DOCK2: variants seen among roughly 807,000 people sequenced by gnomAD.
DOCK2 encodes dedicator of cytokinesis 2, also known as dedicator of cytokinesis protein 2.
Under a neutral mutation model 248.9 loss-of-function variants are expected in DOCK2, and 87 were observed. The observed-to-expected ratio is 0.35, with a 90% confidence interval of 0.29 to 0.42. DOCK2 has a LOEUF of 0.42. DOCK2 is among the 10% of genes least tolerant of loss of function. The pLI, the probability that DOCK2 is intolerant of heterozygous loss-of-function variation, is 1.00. For synonymous variants in DOCK2, 805 were observed against 821.6 expected (o/e 0.98, Z 0.35); for missense variants, 1,747 against 2,300.2 (o/e 0.76, Z 4.92).
intron 22 of DOCK2, among the ~76,000 whole-genome samples, chr5:169,742,453 C>T (rs1296162305): frequency 6.6e-6 from 1 of 152,172 alleles, no homozygotes; most frequent in African/African-American, 2.4e-5. Flanking sequence ...GGCTAGGAAC[C>T]CAGGCAGTGC....
chr5:170,067,465 G>T, intron 44 of DOCK2, 45 bp from the exon 45 acceptor site: 2 of 1,583,566 alleles, frequency 1.3e-6, no homozygotes, highest in South Asian at 2.3e-5. Flanking sequence ...TTTTTAAAGT[G>T]ACTTAACTAA....
At chr5:169,995,207 T>G (rs917498087) in intron 29 of DOCK2, among the ~76,000 whole-genome samples, 3 of 151,996 alleles carry the variant, frequency 2.0e-5, no homozygotes, top group Non-Finnish European at 4.4e-5. Flanking sequence ...TTTTGTATTT[T>G]TAGTAGAGAT....
At chr5:169,663,315 A>G (rs962427105) in intron 2 of DOCK2, among the ~76,000 whole-genome samples, 21 of 152,198 alleles carry the variant, frequency 1.4e-4, no homozygotes, top group African/African-American at 5.1e-4. Context: ...GCTGGTATTG[A>G]GTACCTGCAG....
chr5:169,946,055 C>T (rs1212683961), intron 27 of DOCK2, among the ~76,000 whole-genome samples: 2 of 152,186 alleles, frequency 1.3e-5, no homozygotes, highest in Non-Finnish European at 1.5e-5. Context: ...GAGCAAAGCT[C>T]CTCAGAGCCA....
Position 169,928,022 on chromosome 5 carries a change from A to G in DOCK2, c.2800-55046A>G, listed in dbSNP as rs376924142. ...TTAACTCACAGATCCATGTGTGTGT[A>G]TGCATTTTTTCTTAAACAGGTGGTA... On this transcript the variant is annotated intron_variant, in intron 27 of 51. Coordinates refer to ENST00000520908, the MANE Select transcript of DOCK2 (RefSeq NM_004946.3). 3.3e-4 allele frequency among the ~76,000 whole-genome samples: 50 copies of G among 152,260 alleles called. 1 individual carries two copies. Among genetic ancestry groups the G allele is most frequent in the South Asian group, 2.1e-3 (10 of 4,820 alleles).
chr5:169,996,274 C>T, intron 30 of DOCK2, 110 bp downstream of exon 30: 2 of 1,143,164 alleles, frequency 1.7e-6, no homozygotes, highest in Non-Finnish European at 2.5e-6. Flanking sequence ...CTGTCCCAGT[C>T]TCTCCAGGGA....
chr5:169,976,418 C>A (rs1235926927), intron 27 of DOCK2, among the ~76,000 whole-genome samples: 2 of 152,182 alleles, frequency 1.3e-5, no homozygotes, highest in African/African-American at 2.4e-5. Context: ...TGACAGGATT[C>A]AGTAACTGCT....
intron 27 of DOCK2, among the ~76,000 whole-genome samples, chr5:169,946,317 A>G (rs539020958): frequency 6.6e-6 from 1 of 152,164 alleles, no homozygotes; most frequent in Non-Finnish European, 1.5e-5. Flanking sequence ...ATCTGAGGGA[A>G]GTGGTGTGTT....
intron 29 of DOCK2, among the ~76,000 whole-genome samples, chr5:169,992,403 A>G (rs890531782): frequency 7.9e-5 from 12 of 152,224 alleles, no homozygotes; most frequent in African/African-American, 2.9e-4. Flanking sequence ...GTTGAGAGTA[A>G]TAGAGTTGAG....
chr5:169,780,333 G>GTGTGTGTGGA (rs1554100110), intron 25 of DOCK2, among the ~76,000 whole-genome samples: 15 of 145,098 alleles, frequency 1.0e-4, no homozygotes, highest in African/African-American at 3.6e-4. Flanking sequence ...GTGTGTGTGT[G>GTGTGTGTGGA]TGTGTGTTGA....
intron 25 of DOCK2, among the ~76,000 whole-genome samples, chr5:169,800,892 C>CT (rs1249061262): frequency 3.3e-5 from 5 of 151,246 alleles, no homozygotes; most frequent in Admixed American, 3.3e-4. Context: ...GAAAGCGGAG[C>CT]CTGAGAGACT....
At chr5:169,795,351 T>G (rs1338814337) in intron 25 of DOCK2, among the ~76,000 whole-genome samples, 1 of 152,112 alleles carries the variant, frequency 6.6e-6, no homozygotes, top group Non-Finnish European at 1.5e-5. Flanking sequence ...AGGCCGGGTT[T>G]GTTTAGCTGG....
At chr5:169,943,690 G>A (rs1323727204) in intron 27 of DOCK2, among the ~76,000 whole-genome samples, 1 of 152,124 alleles carries the variant, frequency 6.6e-6, no homozygotes. Context: ...TGTGGTCCTG[G>A]GATCAGTGGA....
intron 25 of DOCK2, among the ~76,000 whole-genome samples, chr5:169,780,046 C>T (rs985899398): frequency 2.0e-5 from 3 of 152,206 alleles, no homozygotes; most frequent in African/African-American, 2.4e-5. Flanking sequence ...TCAGACCCAG[C>T]GTCTTCTAAT....
intron 22 of DOCK2, among the ~76,000 whole-genome samples, chr5:169,736,965 G>T (rs906767457): frequency 1.3e-5 from 2 of 152,186 alleles, no homozygotes; most frequent in Non-Finnish European, 2.9e-5. Flanking sequence ...GAACTGGACA[G>T]ACTAGTGGAA....
chr5:169,735,278 C>T (rs997239774), intron 22 of DOCK2, among the ~76,000 whole-genome samples: 2 of 152,180 alleles, frequency 1.3e-5, no homozygotes, highest in Non-Finnish European at 2.9e-5. Flanking sequence ...CCTGACTTCC[C>T]TAGGTGAAAG....
intron 47 of DOCK2, among the ~76,000 whole-genome samples, chr5:170,076,861 G>A (rs1301543467): frequency 2.0e-5 from 3 of 152,016 alleles, no homozygotes; most frequent in Non-Finnish European, 4.4e-5. Flanking sequence ...ATGCAATTCT[G>A]GTGCTAACTC....
intron 12 of DOCK2, 96 bp from the exon 13 acceptor site, chr5:169,699,918 T>G (rs1173020639): frequency 1.3e-6 from 2 of 1,549,672 alleles, no homozygotes; most frequent in East Asian, 2.3e-5. Flanking sequence ...CTGTTCCCAG[T>G]GATCTCCAGA....
chr5:169,953,958 G>A (rs549350756), intron 27 of DOCK2, among the ~76,000 whole-genome samples: 105 of 152,296 alleles, frequency 6.9e-4, no homozygotes, highest in African/African-American at 2.4e-3. Context: ...TTAATGCATG[G>A]CAAAGGCTTC....
Sources: allele counts gnomAD v4.1 joint callset (sites outside exome capture counted in the v4.1 genomes callset), GRCh38; gene constraint gnomAD v4.1.1; transcripts MANE v1.5; gene names NCBI Gene and HGNC (gene_info 2026-07-23, HGNC 2026-07-21).